CEP83: variants seen among roughly 807,000 people sequenced by gnomAD.
CEP83 encodes the protein centrosomal protein 83.
A neutral mutation model predicts 101.9 loss-of-function variants in CEP83; 70 were observed. That is an observed-to-expected ratio of 0.69 (90% CI 0.57 to 0.84). The LOEUF is 0.84. CEP83 is among the 40% of genes least tolerant of loss of function. The pLI, the probability that CEP83 is intolerant of heterozygous loss-of-function variation, is 0.00. For synonymous variants in CEP83, 264 were observed against 267.9 expected (o/e 0.99, Z 0.14); for missense variants, 715 against 787.2 (o/e 0.91, Z 1.10).
chr12:94,352,809 A>G (rs1593343316), intron 11 of CEP83, among the ~76,000 whole-genome samples: 1 of 152,314 alleles, frequency 6.6e-6, no homozygotes, highest in African/African-American at 2.4e-5. Context: ...AAATAATAAT[A>G]AAGAATAAAA....
At chr12:94,319,721 G>A (rs1218656823) in intron 14 of CEP83, among the ~76,000 whole-genome samples, 4 of 151,832 alleles carry the variant, frequency 2.6e-5, no homozygotes, top group Non-Finnish European at 2.9e-5. Context: ...TGTGCTGTGT[G>A]TTTGGTATTT....
At chr12:94,408,756 C>G (rs2063703734) in intron 4 of CEP83, among the ~76,000 whole-genome samples, 1 of 151,960 alleles carries the variant, frequency 6.6e-6, no homozygotes, top group Non-Finnish European at 1.5e-5. Flanking sequence ...ACTTATTTTA[C>G]TTTACTTTTT....
At chr12:94,392,948 G>A (rs1359055931) in intron 6 of CEP83, among the ~76,000 whole-genome samples, 1 of 152,116 alleles carries the variant, frequency 6.6e-6, no homozygotes, top group Non-Finnish European at 1.5e-5. Context: ...TCTCTGAATA[G>A]ACCAATAACA....
chr12:94,305,139 T>TA (rs769416352), downstream of CEP83: 100 of 1,360,964 alleles, frequency 7.3e-5, 1 homozygote, highest in South Asian at 1.2e-3. Flanking sequence ...ATTGTAACGC[T>TA]AAAACCACAA....
intron 1 of CEP83, among the ~76,000 whole-genome samples, chr12:94,452,571 G>A (rs888621421): frequency 5.3e-5 from 8 of 151,918 alleles, no homozygotes; most frequent in Non-Finnish European, 1.5e-5. Flanking sequence ...CCTTCTTAAG[G>A]CTTTAAAAAA....
chr12:94,278,284 A>G, the CEP83 span: 3 of 348,520 alleles, frequency 8.6e-6, no homozygotes, highest in African/African-American at 6.4e-5. Flanking sequence ...GTGCATTAGA[A>G]TCTAAACTGC....
At chr12:94,375,185 T>C (rs146971610) in intron 8 of CEP83, among the ~76,000 whole-genome samples, 29 of 152,030 alleles carry the variant, frequency 1.9e-4, no homozygotes, top group African/African-American at 6.5e-4. Flanking sequence ...CAAATAACTA[T>C]ATCAGATAGT....
chr12:94,323,352 T>A (rs1408024819), intron 14 of CEP83, among the ~76,000 whole-genome samples: 1 of 152,080 alleles, frequency 6.6e-6, no homozygotes, highest in Admixed American at 6.5e-5. Flanking sequence ...CAGACCCTGG[T>A]GGAGTGGGCT....
chr12:94,308,957 T>C, intron 16 of CEP83, 40 bp from the exon 17 acceptor site: 6 of 1,442,360 alleles, frequency 4.2e-6, no homozygotes, highest in African/African-American at 1.4e-5. Context: ...AAGAAACTAT[T>C]AGAAAAACTG....
chr12:94,422,949 G>A (rs1194543358), intron 2 of CEP83, among the ~76,000 whole-genome samples: 1 of 152,180 alleles, frequency 6.6e-6, no homozygotes, highest in East Asian at 1.9e-4. Flanking sequence ...TCAGTTTGGG[G>A]GTGGGTGGTG....
intron 12 of CEP83, 135 bp downstream of exon 12, chr12:94,335,454 T>C (rs1355129177): frequency 3.2e-6 from 2 of 622,298 alleles, no homozygotes; most frequent in Non-Finnish European, 5.7e-6. Flanking sequence ...TCTTTACATA[T>C]CACCTCCAAC....
chr12:94,318,203 T>G (rs1971037757), intron 14 of CEP83, among the ~76,000 whole-genome samples: 1 of 152,208 alleles, frequency 6.6e-6, no homozygotes, highest in Non-Finnish European at 1.5e-5. Context: ...CATTCCTGAT[T>G]TGGCTCTCAG....
At chr12:94,309,004 C>G in intron 16 of CEP83, 87 bp from the exon 17 acceptor site, 1 of 827,720 alleles carries the variant, frequency 1.2e-6, no homozygotes, top group South Asian at 1.4e-5. Context: ...TTTATATATG[C>G]CTATAACATC....
chr12:94,439,808 C>G (rs1016006012), intron 1 of CEP83, among the ~76,000 whole-genome samples: 10 of 152,140 alleles, frequency 6.6e-5, no homozygotes, highest in African/African-American at 2.4e-4. Context: ...TACTAGCTAA[C>G]CAAGTCCAAC....
At chr12:94,294,337 G>A in the CEP83 span, 3 of 531,220 alleles carry the variant, frequency 5.6e-6, no homozygotes, top group Admixed American at 3.1e-5. Flanking sequence ...CCAGCCTCCA[G>A]CACAGTGCCC....
intron 1 of CEP83, among the ~76,000 whole-genome samples, chr12:94,446,590 C>T (rs574910489): frequency 1.3e-5 from 2 of 152,092 alleles, no homozygotes; most frequent in East Asian, 3.9e-4. Context: ...CACCTATAGT[C>T]CCAGCTACTT....
the CEP83 span, among the ~76,000 whole-genome samples, chr12:94,291,924 A>G: frequency 6.6e-6 from 1 of 152,230 alleles, no homozygotes; most frequent in South Asian, 2.1e-4. Flanking sequence ...CCGCTTTTGG[A>G]GTCCCTCATG....
At chr12:94,372,573 G>A (rs547634497) in intron 8 of CEP83, among the ~76,000 whole-genome samples, 1 of 152,158 alleles carries the variant, frequency 6.6e-6, no homozygotes, top group Non-Finnish European at 1.5e-5. Context: ...TACTATAGCT[G>A]CATGAGGTGG....
chr12:94,458,409 G>T (rs567301444), intron 1 of CEP83, among the ~76,000 whole-genome samples: 1 of 152,196 alleles, frequency 6.6e-6, no homozygotes, highest in East Asian at 1.9e-4. Context: ...AAAACCATTT[G>T]CAACTCTCAG....
Sources: allele counts gnomAD v4.1 joint callset (sites outside exome capture counted in the v4.1 genomes callset), GRCh38; gene constraint gnomAD v4.1.1; transcripts MANE v1.5; gene names NCBI Gene and HGNC (gene_info 2026-07-23, HGNC 2026-07-21).